Variants in ALDH1L1 observed in about 807,000 individuals in gnomAD.
ALDH1L1 encodes aldehyde dehydrogenase 1 family member L1, also known as cytosolic 10-formyltetrahydrofolate dehydrogenase.
In ALDH1L1, 68 loss-of-function variants were observed where a neutral mutation model predicts 101.1. That is an observed-to-expected ratio of 0.67 (90% confidence interval 0.55 to 0.82). ALDH1L1 has a LOEUF of 0.82. Among genes scored for constraint, ALDH1L1 ranks in the 40% least tolerant of loss-of-function variants. The pLI is 0.00. For missense variants in ALDH1L1, 1,087 were observed against 1,172.7 expected (o/e 0.93, Z 1.07); for synonymous variants, 486 against 470.8 (o/e 1.03, Z -0.42).
Position 126,131,467 on chromosome 3 carries a change from C to G in ALDH1L1, c.1540G>C (p.Val514Leu). 1 of 1,613,268 alleles carries G rather than the reference C, an allele frequency of 6.2e-7. No homozygotes were observed. Among genetic ancestry groups the G allele is most frequent in the Non-Finnish European group, 8.5e-7 (1 of 1,179,340 alleles). ...ATIEALDAGA[V>L]YTLALKTHVG... ...TGGGTCTTCAGGGCCAGCGTGTAGA[C>G]GGCACCCGCATCCAGGGCCTCAATG... Residue 514 changes from valine (V) to leucine (L), a missense_variant, in exon 13 of 23, where the codon GTC becomes CTC. Val to Leu is a conservative substitution (Grantham distance 32, BLOSUM62 1). Coordinates refer to ENST00000393434, the MANE Select transcript of ALDH1L1 (RefSeq NM_012190.4).
At chr3:126,121,369 T>A (rs1181093160) in intron 16 of ALDH1L1, among the ~76,000 whole-genome samples, 1 of 152,160 alleles carries the variant, frequency 6.6e-6, no homozygotes, top group Non-Finnish European at 1.5e-5. Flanking sequence ...CATGACATAA[T>A]ACAATTAGAA....
At chr3:126,155,792 A>G (rs1467294988) in intron 4 of ALDH1L1, 1 of 261,608 alleles carries the variant, frequency 3.8e-6, no homozygotes, top group African/African-American at 2.2e-5. Flanking sequence ...CCCTGCAGGT[A>G]TAACACAGAC....
At chr3:126,124,029 C>T (rs2080129808) in intron 16 of ALDH1L1, among the ~76,000 whole-genome samples, 1 of 152,116 alleles carries the variant, frequency 6.6e-6, no homozygotes, top group Non-Finnish European at 1.5e-5. Flanking sequence ...TGCTTTAAGC[C>T]TGAAATGTTC....
intron 19 of ALDH1L1, among the ~76,000 whole-genome samples, chr3:126,111,447 T>G (rs1028423002): frequency 1.3e-5 from 2 of 152,198 alleles, no homozygotes; most frequent in African/African-American, 4.8e-5. Flanking sequence ...CTGCAGATGT[T>G]TGGGCAAGCT....
Position 126,164,130 on chromosome 3 carries a change from CA to C in ALDH1L1, c.-23-3129del, listed in dbSNP as rs532559368. On this transcript the variant is annotated intron_variant, in intron 1 of 22. Coordinates refer to ENST00000393434, the MANE Select transcript of ALDH1L1 (RefSeq NM_012190.4). ...TGGGCAACAGAGTGAGACTATGTCT[CA>C]AAAAAAAAAGGCAAGGCAAGGCAAG... Among the ~76,000 whole-genome samples the C allele has an allele frequency of 4.8e-3, 669 of 139,060 alleles. 7 individuals carry two copies. The highest frequency in any genetic ancestry group is 0.017 in the African/African-American group (646 of 37,824). 91.2% of individuals were successfully genotyped at this position (139,060 alleles called of 152,430 possible). A position where few individuals can be genotyped will look rare whatever the true frequency, so the allele number is the denominator to read the frequency against.
intron 19 of ALDH1L1, chr3:126,110,365 G>A (rs1459305040): frequency 3.7e-6 from 2 of 541,582 alleles, no homozygotes; most frequent in East Asian, 3.1e-5. Context: ...ACATACAGGG[G>A]TGTGGGTGAG....
At position 126,158,323 on chromosome 3, in the gene ALDH1L1, T is replaced by C. The variant is rs1023462670; in HGVS notation, c.362+82A>G. ...GCCCACTCTGCAGCCCTAGAAATGC[T>C]TTGGGCTAATGGAAAGTGACAAGTC... On this transcript the variant is annotated intron_variant, in intron 3 of 22. Transcript: ENST00000393434. 11 of 1,333,650 alleles carry C rather than the reference T, an allele frequency of 8.2e-6. No homozygotes were observed. In the African/African-American group the frequency reaches 1.6e-4, roughly 20 times the overall value. The allele number at this position is 1,333,650 out of a possible 1,614,324, so 82.6% of individuals were successfully genotyped here. A position where few individuals can be genotyped will look rare whatever the true frequency, so the allele number is the denominator to read the frequency against.
chr3:126,185,589 G>T, upstream of ALDH1L1, among the ~76,000 whole-genome samples: 1 of 152,178 alleles, frequency 6.6e-6, no homozygotes, highest in African/African-American at 2.4e-5. Context: ...ATTGGTGCAT[G>T]GAGGTGGGGA....
Position 126,146,922 on chromosome 3 carries a change from A to G in ALDH1L1, c.989T>C (p.Val330Ala). Residue 330 changes from valine (V) to alanine (A), a missense_variant, in exon 9 of 23, where the codon GTT (valine) becomes GCT (alanine). Val to Ala is a moderately conservative substitution (Grantham distance 64). This residue lies in a region of ALDH1L1 where 645 missense variants were observed against 637.0 expected (regional missense o/e 1.01). Transcript: ENST00000393434. ...GACTTTGGGGAGGATCCGCTGCCAA[A>G]CACTCTGCAAAGCAAGACCTGATGA... ...ELVTAEAVRS[V>A]WQRILPKVLE... The G allele has an allele frequency of 6.2e-7, 1 of 1,613,580 alleles. No individual in the cohort carries two copies. The highest frequency in any genetic ancestry group is 8.5e-7 in the Non-Finnish European group (1 of 1,179,830).
intron 1 of ALDH1L1, among the ~76,000 whole-genome samples, chr3:126,170,170 C>T (rs192969446): frequency 2.6e-5 from 4 of 152,240 alleles, no homozygotes; most frequent in East Asian, 3.9e-4. Flanking sequence ...TACTTTTTGT[C>T]GTTTCTACTT....
intron 16 of ALDH1L1, among the ~76,000 whole-genome samples, chr3:126,121,348 T>C (rs565224026): frequency 8.9e-4 from 135 of 152,344 alleles, no homozygotes; most frequent in African/African-American, 3.2e-3. Flanking sequence ...ATACAGGCCA[T>C]AGTCTCTGAT....
chr3:126,135,551 C>A lies in ALDH1L1; in HGVS notation c.1456G>T (p.Gly486Cys). The A allele has an allele frequency of 6.2e-7, 1 of 1,608,474 alleles. No individual in the cohort carries two copies. Among genetic ancestry groups the A allele is most frequent in the African/African-American group, 1.3e-5 (1 of 74,878 alleles). Reference sequence around the variant, plus strand: ...GGCTCCCACCTGTACATCAGCCGGCCCCGGTCCCGCGCACTGATCTTCCCC... The same window carrying A: ...GGCTCCCACCTGTACATCAGCCGGCACCGGTCCCGCGCACTGATCTTCCCC... ...RWGKISARDR[G>C]RLMYRLADLM... is the part of the protein sequence containing the mutation. The change falls in exon 12 of 23, where the codon GGC (glycine) becomes TGC (cysteine). Residue 486 changes from glycine (G) to cysteine (C), a missense_variant. This residue lies in a region of ALDH1L1 where 645 missense variants were observed against 637.0 expected (regional missense o/e 1.01). Transcript: ENST00000393434.
At chr3:126,137,743 C>T in intron 10 of ALDH1L1, 70 bp downstream of exon 10, 1 of 1,560,404 alleles carries the variant, frequency 6.4e-7, no homozygotes, top group Non-Finnish European at 8.7e-7. Flanking sequence ...CCCCTCTTGT[C>T]TTATGTAGTC....
At chr3:126,145,070 T>C (rs967985418) in intron 9 of ALDH1L1, among the ~76,000 whole-genome samples, 19 of 152,116 alleles carry the variant, frequency 1.2e-4, no homozygotes, top group African/African-American at 4.6e-4. Context: ...AACAGGTATA[T>C]GAAAAGATGC....
chr3:126,137,708 C>A, intron 10 of ALDH1L1, 105 bp downstream of exon 10: 4 of 1,472,560 alleles, frequency 2.7e-6, no homozygotes, highest in Non-Finnish European at 2.7e-6. Flanking sequence ...CTCCTGGGGC[C>A]CTGGCTTTCT....
At chr3:126,184,633 T>G (rs772194587), upstream of ALDH1L1, among the ~76,000 whole-genome samples, 4 of 152,114 alleles carry the variant, frequency 2.6e-5, no homozygotes, top group Non-Finnish European at 5.9e-5. Flanking sequence ...CAAGTCTGGG[T>G]AGAACAATGG....
intron 5 of ALDH1L1, 39 bp from the exon 6 acceptor site, chr3:126,154,682 C>A (rs368543477): frequency 3.8e-6 from 6 of 1,580,450 alleles, no homozygotes; most frequent in African/African-American, 1.3e-5. Flanking sequence ...CTGGTCTCTC[C>A]TCACTCCCCT....
At chr3:126,131,081 G>A (rs1441139405) in intron 13 of ALDH1L1, among the ~76,000 whole-genome samples, 3 of 152,224 alleles carry the variant, frequency 2.0e-5, no homozygotes, top group African/African-American at 4.8e-5. Flanking sequence ...GCATCCACAC[G>A]GAACTGAACT....
intron 2 of ALDH1L1, 126 bp downstream of exon 2, chr3:126,160,726 TG>T: frequency 7.1e-7 from 1 of 1,414,590 alleles, no homozygotes; most frequent in Non-Finnish European, 9.5e-7. Context: ...AGACCACTTA[TG>T]GCTGCCTCCC....
Sources: gnomAD v4.1 joint callset for allele counts (sites outside exome capture counted in the v4.1 genomes callset) on GRCh38, gnomAD v4.1.1 for gene constraint, gnomAD v4.1.1 regional missense constraint, MANE v1.5 for transcripts, NCBI Gene and HGNC (gene_info 2026-07-23, HGNC 2026-07-21) for gene names.